Variants in CSF2RA observed in about 807,000 individuals in gnomAD.
The protein encoded by CSF2RA is colony stimulating factor 2 receptor subunit alpha, also known as granulocyte-macrophage colony-stimulating factor receptor subunit alpha.
In CSF2RA, 42 loss-of-function variants were observed where a neutral mutation model predicts 51.6. The ratio of observed to expected loss-of-function variants is 0.81; its 90% confidence interval spans 0.64 to 1.05. CSF2RA has a LOEUF of 1.05. CSF2RA is among the 50% of genes least tolerant of loss of function. CSF2RA has a pLI of 0.00. For missense variants in CSF2RA, 530 were observed against 501.1 expected (o/e 1.06, Z -0.55); for synonymous variants, 222 against 193.0 (o/e 1.15, Z -1.24).
In CSF2RA at chrX:1,285,776, A is replaced by G. The variant is rs772871072; in HGVS notation, c.77-2A>G. The stretch of plus-strand genomic sequence containing the variant: ...TCTGAACCCAGTGCCCGCTCCTTGC[A>G]GATCTGCGAACAGTGGCACCAGCCT... On this transcript the variant is annotated splice_acceptor_variant, in intron 3 of 12. Coordinates refer to ENST00000381529, the MANE Select transcript of CSF2RA (RefSeq NM_172245.4). LOFTEE classifies it high-confidence loss of function. The G allele has an allele frequency of 3.7e-6, 6 of 1,611,792 alleles. No individual in the cohort carries two copies. Among genetic ancestry groups the G allele is most frequent in the Admixed American group, 1.7e-5 (1 of 59,806 alleles).
intron 10 of CSF2RA, among the ~76,000 whole-genome samples, chrX:1,301,545 G>A (rs73618052): frequency 0.01 from 1,541 of 148,270 alleles, 30 homozygotes; most frequent in African/African-American, 0.037. Flanking sequence ...CGGTCAAACC[G>A]TCACCATTCC....
intron 4 of CSF2RA, among the ~76,000 whole-genome samples, chrX:1,286,584 A>C: frequency 6.8e-6 from 1 of 147,960 alleles, no homozygotes; most frequent in African/African-American, 2.5e-5. Context: ...AAAAAAAAAA[A>C]ATAATAAATT....
rs769866070 is a variant in CSF2RA at position 1,303,964 on chromosome X, C to T, written c.988C>T (p.Leu330Phe). The T allele has an allele frequency of 5.6e-6, 9 of 1,613,448 alleles. No homozygotes were observed. The highest frequency in any genetic ancestry group is 1.1e-5 in the South Asian group (1 of 91,034). ...GNLGSVYIYV[L>F]LIVGTLVCGI... The stretch of plus-strand genomic sequence containing the variant: ...CCTCGGCTCTGTGTACATTTATGTG[C>T]TCCTAATCGTGGGAACCCTTGTCTG... Residue 330 changes from leucine to phenylalanine, a missense_variant, in exon 11 of 13, where the codon CTC (leucine) becomes TTC (phenylalanine). Physicochemically the swap from Leu to Phe is conservative, Grantham distance 22 (BLOSUM62 0). Transcript: ENST00000381529.
At chrX:1,274,545 G>C (rs760590771) in intron 1 of CSF2RA, among the ~76,000 whole-genome samples, 1 of 2,704 alleles carries the variant, frequency 3.7e-4, no homozygotes, top group Non-Finnish European at 1.5e-3. Context: ...GGATGGTCTC[G>C]AACTCCTGGC....
At chrX:1,314,589 T>G (rs1318125552), downstream of CSF2RA, among the ~76,000 whole-genome samples, 11 of 42,842 alleles carry the variant, frequency 2.6e-4, no homozygotes, top group African/African-American at 1.0e-3. Flanking sequence ...CCAACCCCAC[T>G]GCACCTGCCC....
chrX:1,288,746 T>A lies in CSF2RA; in HGVS notation c.344-13T>A. The A allele has an allele frequency of 6.2e-7, 1 of 1,613,918 alleles. No individual in the cohort carries two copies. Among genetic ancestry groups the A allele is most frequent in the Middle Eastern group, 1.7e-4 (1 of 6,056 alleles). ...TTCGGAGTGAAAATTATTTTGTTTC[T>A]ACCTCTTCCCAGGAAGGGAGGGTAC... On this transcript the variant is annotated splice_polypyrimidine_tract_variant and intron_variant, in intron 5 of 12. Transcript: ENST00000381529.
At chrX:1,314,213 C>T (rs1159860452), downstream of CSF2RA, among the ~76,000 whole-genome samples, 9 of 98,878 alleles carry the variant, frequency 9.1e-5, no homozygotes, top group Non-Finnish European at 4.8e-5. Context: ...CCGCACTGCA[C>T]CTGCCCAACC....
intron 2 of CSF2RA, among the ~76,000 whole-genome samples, chrX:1,278,288 G>A (rs71216443): frequency 0.25 from 37,401 of 147,926 alleles, 5,535 homozygotes; most frequent in South Asian, 0.35. Context: ...AGCCAAGATG[G>A]CACCACTGCA....
downstream of CSF2RA, among the ~76,000 whole-genome samples, chrX:1,314,513 TGCACC>T (rs2084401771): frequency 3.5e-5 from 4 of 114,740 alleles, no homozygotes; most frequent in African/African-American, 1.4e-4. Flanking sequence ...CCAACCGCAC[TGCACC>T]TGCCCAATCC....
downstream of CSF2RA, among the ~76,000 whole-genome samples, chrX:1,314,603 C>A (rs1311808556): frequency 1.5e-4 from 4 of 27,374 alleles, no homozygotes; most frequent in African/African-American, 2.5e-4. Flanking sequence ...CCTGCCCAAC[C>A]CCACTGCACC....
intron 1 of CSF2RA, among the ~76,000 whole-genome samples, chrX:1,273,716 G>A (rs112491102): frequency 2.4e-4 from 36 of 150,296 alleles, no homozygotes; most frequent in African/African-American, 8.6e-4. Flanking sequence ...GAGTAGCTGG[G>A]ACTACAGGCG....
Position 1,274,747 on chromosome X carries a change from T to C in CSF2RA, c.-90-8T>C. The C allele has an allele frequency of 2.2e-6, 1 of 453,354 alleles. No homozygotes were observed. The allele number at this position is 453,354 out of a possible 1,614,324, so 28.1% of individuals were successfully genotyped here. A position where few individuals can be genotyped will look rare whatever the true frequency, so the allele number is the denominator to read the frequency against. On this transcript the variant is annotated splice_region_variant and splice_polypyrimidine_tract_variant and intron_variant, in intron 1 of 12. Transcript: ENST00000381529. The stretch of plus-strand genomic sequence containing the variant: ...TTTGGGGTCCTGAGACTTATTTACC[T>C]TTCACAGTTTACAGCAGGAAAATCC...
At chrX:1,292,542 A>G (rs2091502962) in intron 7 of CSF2RA, among the ~76,000 whole-genome samples, 1 of 152,108 alleles carries the variant, frequency 6.6e-6, no homozygotes, top group South Asian at 2.1e-4. Context: ...GCAGGAAGAC[A>G]TATGAGCAAA....
intron 7 of CSF2RA, 145 bp from the exon 8 acceptor site, chrX:1,294,183 C>T: frequency 9.9e-7 from 1 of 1,005,780 alleles, no homozygotes; most frequent in Non-Finnish European, 1.6e-6. Flanking sequence ...TACTCCACCT[C>T]CACCTGGACC....
intron 10 of CSF2RA, chrX:1,303,051 T>TTA (rs1556565379): frequency 4.3e-6 from 1 of 230,474 alleles, no homozygotes; most frequent in Non-Finnish European, 7.9e-6. Context: ...GTATTTTTAT[T>TTA]TTTATTTATT....
downstream of CSF2RA, among the ~76,000 whole-genome samples, chrX:1,314,908 C>A (rs1357683712): frequency 2.3e-4 from 16 of 69,364 alleles, 1 homozygote; most frequent in African/African-American, 7.0e-4. Context: ...CTGCTCAACC[C>A]CACTTCACCT....
intron 7 of CSF2RA, chrX:1,294,104 A>T: frequency 1.6e-6 from 1 of 612,544 alleles, no homozygotes; most frequent in Non-Finnish European, 3.0e-6. Context: ...CTCTACCTGG[A>T]CCCAGTGTAG....
downstream of CSF2RA, among the ~76,000 whole-genome samples, chrX:1,311,398 T>C (rs2148737231): frequency 6.6e-6 from 1 of 151,700 alleles, no homozygotes; most frequent in Non-Finnish European, 1.5e-5. Flanking sequence ...GAAGGCACAA[T>C]TCCTGTACAG....
intron 8 of CSF2RA, 89 bp downstream of exon 8, chrX:1,294,550 C>A: frequency 6.4e-7 from 1 of 1,573,184 alleles, no homozygotes; most frequent in Non-Finnish European, 8.7e-7. Flanking sequence ...GGGAAGTGGC[C>A]TGGGGGAAGG....
Sources: allele counts gnomAD v4.1 joint callset (sites outside exome capture counted in the v4.1 genomes callset), GRCh38; gene constraint gnomAD v4.1.1; transcripts MANE v1.5; gene names NCBI Gene and HGNC (gene_info 2026-07-23, HGNC 2026-07-21).